The following KIF26B variants were observed in gnomAD, a reference collection of about 807,000 sequenced individuals.
The protein encoded by KIF26B is kinesin family member 26B, also known as kinesin-like protein KIF26B.
Under a neutral mutation model 151.2 loss-of-function variants are expected in KIF26B, and 63 were observed. The observed-to-expected ratio is 0.42, with a 90% CI of 0.34 to 0.51. The LOEUF (loss-of-function observed/expected upper bound fraction) is 0.51, where lower values mean the gene tolerates loss of function less well. KIF26B is among the 20% of genes least tolerant of loss of function. The pLI is 0.07. For synonymous variants in KIF26B, 1,357 were observed against 1,262.1 expected (o/e 1.08, Z -1.59); for missense variants, 2,813 against 2,913.6 (o/e 0.97, Z 0.79).
chr1:245,346,231 C>T (rs182891010), intron 2 of KIF26B, among the ~76,000 whole-genome samples: 1 of 152,058 alleles, frequency 6.6e-6, no homozygotes, highest in Admixed American at 6.5e-5. Context: ...GCGTGAGCCA[C>T]CGCACCTGGC....
intron 2 of KIF26B, among the ~76,000 whole-genome samples, chr1:245,354,896 G>C (rs2103002528): frequency 6.6e-6 from 1 of 152,272 alleles, no homozygotes; most frequent in South Asian, 2.1e-4. Flanking sequence ...GGACATCTAG[G>C]ACTGGATGAT....
chr1:245,196,595 C>T (rs1029066350), intron 2 of KIF26B, among the ~76,000 whole-genome samples: 8 of 152,268 alleles, frequency 5.3e-5, no homozygotes, highest in African/African-American at 1.4e-4. Flanking sequence ...GCATTTCTAA[C>T]GGGTTTCCAG....
In KIF26B at chr1:245,516,057, G is replaced by T. The variant is rs1572101148; in HGVS notation, c.1167-24710G>T. 6.6e-6 allele frequency among the ~76,000 whole-genome samples: 1 copy of T among 152,226 alleles called. No individual in the cohort carries two copies. The highest frequency in any genetic ancestry group is 1.9e-4 in the East Asian group (1 of 5,184). On this transcript the variant is annotated intron_variant, in intron 4 of 14. Coordinates refer to ENST00000407071, the MANE Select transcript of KIF26B (RefSeq NM_018012.4). This position sits in a 1 kb window ranked among gnomAD's most constrained non-coding sequence, Gnocchi z 4.2. ...TATCTCATGAGTCCTCTCCCTGGAGGAGTATTTGGATTCTATTCTGCTTCT... is the reference window on the plus strand; with the variant it reads ...TATCTCATGAGTCCTCTCCCTGGAGTAGTATTTGGATTCTATTCTGCTTCT...
At chr1:245,652,508 A>G (rs899908377) in intron 10 of KIF26B, among the ~76,000 whole-genome samples, 1 of 152,082 alleles carries the variant, frequency 6.6e-6, no homozygotes, top group Non-Finnish European at 1.5e-5. Context: ...TTCCTTGGCT[A>G]GCGGTATCTT....
intron 2 of KIF26B, among the ~76,000 whole-genome samples, chr1:245,337,085 G>A (rs1478679530): frequency 6.6e-6 from 1 of 152,164 alleles, no homozygotes; most frequent in Non-Finnish European, 1.5e-5. Context: ...TTATCAAGTA[G>A]AAGCAATTCT....
chr1:245,526,269 C>T (rs1354614325), intron 4 of KIF26B, among the ~76,000 whole-genome samples: 1 of 152,176 alleles, frequency 6.6e-6, no homozygotes, highest in Non-Finnish European at 1.5e-5. Flanking sequence ...GCCCAGGTAA[C>T]CTGACGGTAG....
intron 10 of KIF26B, among the ~76,000 whole-genome samples, chr1:245,672,552 G>A (rs2044301362): frequency 6.6e-6 from 1 of 152,204 alleles, no homozygotes; most frequent in Non-Finnish European, 1.5e-5. Flanking sequence ...CCACTGACAT[G>A]CAGCCTGATG....
At chr1:245,225,943 C>T (rs1290110712) in intron 2 of KIF26B, 1 of 152,196 alleles carries the variant, frequency 6.6e-6, no homozygotes, top group Non-Finnish European at 1.5e-5. Context: ...GGAACAAACT[C>T]TTGGCAAATT....
intron 4 of KIF26B, among the ~76,000 whole-genome samples, chr1:245,470,525 G>A (rs559556469): frequency 6.6e-6 from 1 of 152,262 alleles, no homozygotes; most frequent in Admixed American, 6.5e-5. Flanking sequence ...CCGCCTCCCG[G>A]GTTCACGCCA....
chr1:245,258,843 C>T (rs113927840), intron 2 of KIF26B, among the ~76,000 whole-genome samples: 138 of 152,100 alleles, frequency 9.1e-4, no homozygotes, highest in Non-Finnish European at 1.6e-3. Context: ...GCTGACTCAC[C>T]GTGTGTCTGC....
chr1:245,365,466 AC>A (rs779337894), intron 2 of KIF26B, among the ~76,000 whole-genome samples: 14 of 150,688 alleles, frequency 9.3e-5, no homozygotes, highest in Admixed American at 4.6e-4. Flanking sequence ...CTAATTAAGA[AC>A]CACCCCCCAA....
intron 4 of KIF26B, among the ~76,000 whole-genome samples, chr1:245,441,576 C>T (rs766213293): frequency 1.1e-4 from 16 of 151,948 alleles, no homozygotes; most frequent in Non-Finnish European, 2.2e-4. Flanking sequence ...ACTCGGCTAA[C>T]GTGTGTGAGT....
chr1:245,300,978 C>T (rs1573761555), intron 2 of KIF26B, among the ~76,000 whole-genome samples: 1 of 151,224 alleles, frequency 6.6e-6, no homozygotes, highest in African/African-American at 2.4e-5. Context: ...TACAGGTGCG[C>T]ACCACCACAC....
intron 2 of KIF26B, among the ~76,000 whole-genome samples, chr1:245,328,583 A>C (rs1285943515): frequency 6.6e-6 from 1 of 152,166 alleles, no homozygotes; most frequent in Non-Finnish European, 1.5e-5. Flanking sequence ...TGGCCAGTGC[A>C]CCATGACCAC....
Position 245,495,936 on chromosome 1 carries a change from T to A in KIF26B, c.1167-44831T>A, listed in dbSNP as rs937651925. On this transcript the variant is annotated intron_variant, in intron 4 of 14. Transcript: ENST00000407071. This position sits in a 1 kb window ranked among gnomAD's most constrained non-coding sequence, Gnocchi z 4.2. ...ACGTCATATTCATGGGTTGAAAGAATGTAACCGTCAACCTAAAAGTTTACA... is the reference window on the plus strand; with the variant it reads ...ACGTCATATTCATGGGTTGAAAGAAAGTAACCGTCAACCTAAAAGTTTACA... 1.3e-5 allele frequency among the ~76,000 whole-genome samples: 2 copies of A among 152,202 alleles called. No individual in the cohort carries two copies. Among genetic ancestry groups the A allele is most frequent in the African/African-American group, 4.8e-5 (2 of 41,450 alleles).
intron 2 of KIF26B, among the ~76,000 whole-genome samples, chr1:245,328,397 G>A (rs1672037604): frequency 6.6e-6 from 1 of 152,140 alleles, no homozygotes; most frequent in African/African-American, 2.4e-5. Flanking sequence ...GAAAGAATTA[G>A]TAGTTGCAAT....
intron 2 of KIF26B, among the ~76,000 whole-genome samples, chr1:245,330,093 A>G (rs889220177): frequency 6.6e-6 from 1 of 151,910 alleles, no homozygotes; most frequent in East Asian, 2.0e-4. Flanking sequence ...CCTGGCCCCC[A>G]AAAAGGATTT....
chr1:245,200,533 A>G (rs1669279091), intron 2 of KIF26B, among the ~76,000 whole-genome samples: 1 of 152,200 alleles, frequency 6.6e-6, no homozygotes, highest in African/African-American at 2.4e-5. Flanking sequence ...ATGTATACTC[A>G]TAAATTTCTC....
intron 5 of KIF26B, among the ~76,000 whole-genome samples, chr1:245,585,357 TA>T: frequency 6.6e-6 from 1 of 152,048 alleles, no homozygotes; most frequent in Middle Eastern, 3.4e-3. Context: ...AATTGCCTTA[TA>T]AAAGTTTACA....
Sources: gnomAD v4.1 joint callset for allele counts (sites outside exome capture counted in the v4.1 genomes callset) on GRCh38, gnomAD v4.1.1 for gene constraint, Gnocchi (gnomAD v3.1) non-coding constraint, MANE v1.5 for transcripts, NCBI Gene and HGNC (gene_info 2026-07-23, HGNC 2026-07-21) for gene names.